IGF2BP3: variants seen among roughly 807,000 people sequenced by gnomAD.
IGF2BP3 encodes the protein insulin like growth factor 2 mRNA binding protein 3.
Under a neutral mutation model 73.8 loss-of-function variants are expected in IGF2BP3, and 9 were observed. The observed-to-expected ratio is 0.12, with a 90% CI of 0.07 to 0.21. The LOEUF (loss-of-function observed/expected upper bound fraction) is 0.21. Ranked by LOEUF, IGF2BP3 falls within the 10% of genes least tolerant of loss-of-function variation. The pLI is 1.00. For missense variants in IGF2BP3, 542 were observed against 714.0 expected, an observed-to-expected ratio of 0.76 and a Z score of 2.75; for synonymous variants, 258 against 256.7, an observed-to-expected ratio of 1.01 and a Z score of -0.05.
rs181678021 is a variant in IGF2BP3 at position 23,329,850 on chromosome 7, A to G, written c.1204-10596T>C. On this transcript the variant is annotated intron_variant, in intron 10 of 14. Transcript: ENST00000258729. The stretch of plus-strand genomic sequence containing the variant: ...ACATTCTCATTTTAGAATTGAAAAA[A>G]CTGAGCCAGAGAGGTTAAGTTATTT... Among the ~76,000 whole-genome samples, 20 of 152,294 alleles carry G rather than the reference A, an allele frequency of 1.3e-4. No individual in the cohort carries two copies. The East Asian group carries it at 3.7e-3, about 28-fold the overall frequency.
chr7:23,329,686 G>A (rs568182740), intron 10 of IGF2BP3, among the ~76,000 whole-genome samples: 2 of 152,250 alleles, frequency 1.3e-5, no homozygotes, highest in Admixed American at 1.3e-4. Flanking sequence ...AAAAATTCAG[G>A]TTGAGGCAAA....
At chr7:23,463,145 C>A (rs1788488480) in intron 2 of IGF2BP3, among the ~76,000 whole-genome samples, 1 of 152,182 alleles carries the variant, frequency 6.6e-6, no homozygotes, top group African/African-American at 2.4e-5. Flanking sequence ...TCCTCCCAGA[C>A]CAAACCAACC....
intron 3 of IGF2BP3, among the ~76,000 whole-genome samples, chr7:23,370,976 G>T (rs747026618): frequency 1.1e-4 from 16 of 152,166 alleles, no homozygotes; most frequent in Admixed American, 3.9e-4. Context: ...ACTGCGCCCA[G>T]CCAGTTCTAG....
chr7:23,444,975 T>G (rs904793553), intron 2 of IGF2BP3, among the ~76,000 whole-genome samples: 5 of 152,136 alleles, frequency 3.3e-5, no homozygotes, highest in African/African-American at 1.2e-4. Flanking sequence ...GAAGGATTAC[T>G]TCCATCCAGA....
rs150094397 is a variant in IGF2BP3, at chr7:23,429,350, T to G, written c.237-10526A>C. On this transcript the variant is annotated intron_variant, in intron 2 of 14. Transcript: ENST00000258729. ...TTATTTTCTCATTTAACCCTCAGAG[T>G]TGGCATTTTACAGATTAGGAAACAA... Among the ~76,000 whole-genome samples the G allele has an allele frequency of 5.7e-3, 869 of 152,174 alleles. 12 individuals carry two copies. Among genetic ancestry groups the G allele is most frequent in the African/African-American group, 0.02 (824 of 41,516 alleles).
intron 3 of IGF2BP3, among the ~76,000 whole-genome samples, chr7:23,392,245 C>T (rs1786299423): frequency 1.3e-5 from 2 of 152,002 alleles, no homozygotes; most frequent in South Asian, 4.2e-4. Context: ...CTTCACTAAC[C>T]CTAATGAACC....
chr7:23,321,151 T>A (rs1291554796), intron 10 of IGF2BP3, among the ~76,000 whole-genome samples: 1 of 152,122 alleles, frequency 6.6e-6, no homozygotes, highest in Admixed American at 6.5e-5. Context: ...TGCATTTCCA[T>A]CTGAGGTACT....
At chr7:23,420,616 C>G (rs1787318231) in intron 2 of IGF2BP3, among the ~76,000 whole-genome samples, 1 of 152,138 alleles carries the variant, frequency 6.6e-6, no homozygotes, top group African/African-American at 2.4e-5. Flanking sequence ...GATTCATAAC[C>G]TAGTTTAGTC....
chr7:23,385,845 T>TAC (rs1180776934), intron 3 of IGF2BP3, among the ~76,000 whole-genome samples: 7 of 152,186 alleles, frequency 4.6e-5, no homozygotes, highest in Non-Finnish European at 8.8e-5. Context: ...GTGCTGGGAT[T>TAC]ACAGGCATGA....
At chr7:23,329,224 A>G (rs1400207818) in intron 10 of IGF2BP3, among the ~76,000 whole-genome samples, 1 of 152,176 alleles carries the variant, frequency 6.6e-6, no homozygotes, top group Non-Finnish European at 1.5e-5. Flanking sequence ...AAAAAAAAAA[A>G]AATTAAAACA....
chr7:23,349,036 C>A (rs1453273528), intron 6 of IGF2BP3, among the ~76,000 whole-genome samples: 1 of 152,126 alleles, frequency 6.6e-6, no homozygotes, highest in African/African-American at 2.4e-5. Flanking sequence ...AGAGATACAT[C>A]CCCAACTTAC....
intron 10 of IGF2BP3, among the ~76,000 whole-genome samples, chr7:23,320,582 T>C (rs1179408501): frequency 6.9e-6 from 1 of 145,274 alleles, no homozygotes; most frequent in Non-Finnish European, 1.5e-5. Context: ...CCAAGACACA[T>C]ATTACAAGAA....
intron 2 of IGF2BP3, among the ~76,000 whole-genome samples, chr7:23,466,029 T>G (rs59345274): frequency 0.016 from 2,412 of 151,966 alleles, 75 homozygotes; most frequent in African/African-American, 0.055. Context: ...AAAAGGTTTT[T>G]TTTTTTTTTT....
At chr7:23,407,662 G>A (rs78295626) in intron 3 of IGF2BP3, among the ~76,000 whole-genome samples, 1,847 of 151,036 alleles carry the variant, frequency 0.012, 75 homozygotes, top group Admixed American at 0.088. Context: ...GGTTTCACAG[G>A]TGAATTCTAT....
At position 23,470,107 on chromosome 7, in the gene IGF2BP3, T is replaced by C. The variant is rs1788680714; in HGVS notation, c.4A>G (p.Asn2Asp). 6.2e-7 allele frequency: 1 copy of C among 1,604,562 alleles called. No homozygotes were observed. Among genetic ancestry groups the C allele is most frequent in the African/African-American group, 1.3e-5 (1 of 74,446 alleles). MNKLYIGNLSEN... is the reference protein window; with the variant it reads MDKLYIGNLSEN... ...CTGAGGTTTCCGATATACAGTTTGTTCATTGTGAAGAGTGGTTGTTTAAAA... is the reference window on the plus strand; with the variant it reads ...CTGAGGTTTCCGATATACAGTTTGTCCATTGTGAAGAGTGGTTGTTTAAAA... Residue 2 changes from asparagine to aspartate, a missense_variant, in exon 1 of 15, where the codon AAC (asparagine) becomes GAC (aspartate). Around this residue, in one of 2 missense-constraint regions of IGF2BP3, gnomAD observed 239 missense variants for 241.9 expected, o/e 0.99. Transcript: ENST00000258729.
intron 10 of IGF2BP3, among the ~76,000 whole-genome samples, chr7:23,329,471 A>AG (rs1314026720): frequency 1.3e-5 from 2 of 152,240 alleles, no homozygotes; most frequent in Non-Finnish European, 2.9e-5. Context: ...ACACGTTCTT[A>AG]GAAGTAGAAC....
At chr7:23,315,573 C>G (rs555513563) in intron 12 of IGF2BP3, among the ~76,000 whole-genome samples, 8 of 152,158 alleles carry the variant, frequency 5.3e-5, no homozygotes, top group Non-Finnish European at 1.2e-4. Flanking sequence ...CAATAGTACC[C>G]AACACGCGTT....
At chr7:23,452,133 T>C (rs1190724624) in intron 2 of IGF2BP3, among the ~76,000 whole-genome samples, 3 of 151,922 alleles carry the variant, frequency 2.0e-5, no homozygotes, top group South Asian at 2.1e-4. Context: ...GCCTCCTGAG[T>C]AGCTGGGACT....
At chr7:23,391,079 G>A (rs575492106) in intron 3 of IGF2BP3, among the ~76,000 whole-genome samples, 32 of 148,732 alleles carry the variant, frequency 2.2e-4, no homozygotes, top group Non-Finnish European at 4.2e-4. Flanking sequence ...GATTACAGGC[G>A]TGAACCATCG....
Sources: allele counts gnomAD v4.1 joint callset (sites outside exome capture counted in the v4.1 genomes callset), GRCh38; gene constraint gnomAD v4.1.1; regional missense constraint gnomAD v4.1.1; transcripts MANE v1.5; gene names NCBI Gene and HGNC (gene_info 2026-07-23, HGNC 2026-07-21).